The following ALPK3 variants were observed in gnomAD, a reference collection of about 807,000 sequenced individuals.
ALPK3 encodes the protein alpha-protein kinase 3.
ALPK3 carries 102 observed loss-of-function variants against 140.0 expected under a neutral mutation model. That is an observed-to-expected ratio of 0.73 (90% CI 0.62 to 0.86). The LOEUF is 0.86. Among genes scored for constraint, ALPK3 ranks in the 40% least tolerant of loss-of-function variants. ALPK3 has a pLI of 0.00. For synonymous variants in ALPK3, 938 were observed against 898.5 expected (o/e 1.04, Z -0.79); for missense variants, 2,254 against 2,208.2 (o/e 1.02, Z -0.42).
chr15:84,846,224 C>T (rs1283018315), intron 5 of ALPK3, among the ~76,000 whole-genome samples: 2 of 152,190 alleles, frequency 1.3e-5, no homozygotes, highest in Non-Finnish European at 2.9e-5. Flanking sequence ...TGTTAATACT[C>T]TCCATAAGAT....
chr15:84,819,525 C>T (rs993419345), intron 1 of ALPK3, among the ~76,000 whole-genome samples: 1 of 152,190 alleles, frequency 6.6e-6, no homozygotes, highest in African/African-American at 2.4e-5. Context: ...GAGGCAGTTC[C>T]TGCTTCTCTA....
At position 84,868,220 on chromosome 15, in the gene ALPK3, C is replaced by T. The variant is rs1273182701; in HGVS notation, c.4882C>T (p.Pro1628Ser). The stretch of plus-strand genomic sequence containing the variant: ...GCTGGGGCTGACACCTCTCAAGGGC[C>T]CGGAGGCGGCCCACCCCCAAGCCAA... ...ELLGLTPLKG[P>S]EAAHPQAKAK... Residue 1628 changes from proline to serine, a missense_variant, in exon 14 of 14, where the codon CCG becomes TCG. By Grantham distance (74) the Pro-to-Ser change is moderately conservative. Coordinates refer to ENST00000258888, the MANE Select transcript of ALPK3 (RefSeq NM_020778.5). 8.7e-6 allele frequency: 14 copies of T among 1,614,056 alleles called. No homozygotes were observed. The highest frequency in any genetic ancestry group is 1.1e-5 in the Non-Finnish European group (13 of 1,180,030).
chr15:84,856,724 G>A lies in ALPK3; in HGVS notation c.1986G>A (p.Met662Ile), dbSNP rs1012520978. The change falls in exon 6 of 14, where the codon ATG (methionine) becomes ATA (isoleucine). Residue 662 changes from methionine (M) to isoleucine (I), a missense_variant. Met to Ile is a conservative substitution (Grantham distance 10, BLOSUM62 1). Transcript: ENST00000258888. The part of the protein sequence containing the change: ...QSDRSAQKGM[M>I]TQGRAETQLE... Reference sequence around the variant, plus strand: ...ACAGGAGTGCACAGAAGGGCATGATGACACAGGGAAGGGCAGAGACACAGC... The same window carrying A: ...ACAGGAGTGCACAGAAGGGCATGATAACACAGGGAAGGGCAGAGACACAGC... 5 of 1,613,988 alleles carry A rather than the reference G, an allele frequency of 3.1e-6. No individual in the cohort carries two copies. In the African/African-American group the frequency reaches 5.3e-5, roughly 17 times the overall value.
intron 9 of ALPK3, among the ~76,000 whole-genome samples, chr15:84,862,346 A>G (rs2141572322): frequency 6.6e-6 from 1 of 152,084 alleles, no homozygotes; most frequent in Middle Eastern, 3.4e-3. Flanking sequence ...ACACATCCTG[A>G]GCACTGTGTT....
At position 84,822,442 on chromosome 15, in the gene ALPK3, T is replaced by C. The variant is rs146631872; in HGVS notation, c.144-888T>C. Among the ~76,000 whole-genome samples the C allele has an allele frequency of 2.7e-3, 414 of 152,184 alleles. 1 individual carries two copies. Among genetic ancestry groups the C allele is most frequent in the African/African-American group, 9.2e-3 (384 of 41,522 alleles). ...TTAGAGACATAGACCGTGAGCACCA[T>C]TGAACAGGCTGGGCTGCTGGGAAGG... On this transcript the variant is annotated intron_variant, in intron 1 of 13. Coordinates refer to ENST00000258888, the MANE Select transcript of ALPK3 (RefSeq NM_020778.5).
chr15:84,859,375 G>C lies in ALPK3; in HGVS notation c.3950G>C (p.Gly1317Ala). ...TGGGCCAAGGATCAGCGCCCAGTGGGCGAGGTGGGCAGGAGGTAAGCCAAC... is the reference window on the plus strand; with the variant it reads ...TGGGCCAAGGATCAGCGCCCAGTGGCCGAGGTGGGCAGGAGGTAAGCCAAC... ...LTWAKDQRPV[G>A]EVGRSAGDEG... Residue 1317 changes from glycine to alanine, a missense_variant, in exon 7 of 14, where the codon GGC (glycine) becomes GCC (alanine). This residue lies in a region of ALPK3 where 2,088 missense variants were observed against 2,022.9 expected (regional missense o/e 1.03). Transcript: ENST00000258888. 1 of 1,614,186 alleles carries C rather than the reference G, an allele frequency of 6.2e-7. No homozygotes were observed.
intron 5 of ALPK3, 41 bp from the exon 6 acceptor site, chr15:84,856,351 T>A: frequency 1.3e-6 from 2 of 1,549,278 alleles, no homozygotes; most frequent in Non-Finnish European, 1.7e-6. Flanking sequence ...GATCTGAATG[T>A]CCATGTAGTT....
chr15:84,857,730 A>C lies in ALPK3; in HGVS notation c.2992A>C (p.Thr998Pro). The change falls in exon 6 of 14, where the codon ACA becomes CCA. Residue 998 changes from threonine to proline, a missense_variant. By Grantham distance (38) the Thr-to-Pro change is conservative. Transcript: ENST00000258888. ...AGGTCTGGTGCCCTCAGCCACTCTG[A>C]CACCCACTGTGGAAGTGGCTGGGCT... is the stretch of plus-strand genomic sequence containing the variant. ...TGGLVPSATL[T>P]PTVEVAGLSP... 1 of 1,613,384 alleles carries C rather than the reference A, an allele frequency of 6.2e-7. No individual in the cohort carries two copies. Among genetic ancestry groups the C allele is most frequent in the East Asian group, 2.2e-5 (1 of 44,870 alleles).
Position 84,856,447 on chromosome 15 carries a change from A to C in ALPK3, c.1709A>C (p.Asp570Ala), listed in dbSNP as rs200724501. Residue 570 changes from aspartate to alanine, a missense_variant, in exon 6 of 14, where the codon GAT becomes GCT. Asp to Ala is a moderately radical substitution (Grantham distance 126). Transcript: ENST00000258888. ...ACCATGTCGGCCAGCAGCAGCTCTG[A>C]TGTAGCCTCCATTGGGGTTAGCACT... Reference protein sequence around the residue: ...APTMSASSSSDVASIGVSTSG... With the variant: ...APTMSASSSSAVASIGVSTSG... 1 of 1,613,616 alleles carries C rather than the reference A, an allele frequency of 6.2e-7. No individual in the cohort carries two copies. The highest frequency in any genetic ancestry group is 2.2e-5 in the East Asian group (1 of 44,884).
At chr15:84,819,901 C>G (rs1218860120) in intron 1 of ALPK3, among the ~76,000 whole-genome samples, 1 of 152,208 alleles carries the variant, frequency 6.6e-6, no homozygotes, top group Non-Finnish European at 1.5e-5. Flanking sequence ...GGCCCAGAAC[C>G]TATCTCCCTA....
At chr15:84,842,027 T>A (rs1963672611) in intron 5 of ALPK3, among the ~76,000 whole-genome samples, 1 of 152,120 alleles carries the variant, frequency 6.6e-6, no homozygotes, top group South Asian at 2.1e-4. Flanking sequence ...CTTTCTTTCT[T>A]TGGTTTGTTT....
chr15:84,858,947 T>C (rs1963903758), intron 6 of ALPK3, among the ~76,000 whole-genome samples: 1 of 152,184 alleles, frequency 6.6e-6, no homozygotes, highest in African/African-American at 2.4e-5. Flanking sequence ...GTTAGGGACC[T>C]AGAATGCAAA....
At position 84,857,019 on chromosome 15, in the gene ALPK3, G is replaced by C. The variant is rs1841527482; in HGVS notation, c.2281G>C (p.Glu761Gln). 6.2e-7 allele frequency: 1 copy of C among 1,614,160 alleles called. No individual in the cohort carries two copies. Among genetic ancestry groups the C allele is most frequent in the Non-Finnish European group, 8.5e-7 (1 of 1,180,038 alleles). Reference sequence around the variant, plus strand: ...TATTGAATGTTTTGTACAGACCCCAGAAGGGTCTTGTTTCCCAAAAAAACC... The same window carrying C: ...TATTGAATGTTTTGTACAGACCCCACAAGGGTCTTGTTTCCCAAAAAAACC... Reference protein sequence around the residue: ...LNIECFVQTPEGSCFPKKPGC... With the variant: ...LNIECFVQTPQGSCFPKKPGC... The change falls in exon 6 of 14, where the codon GAA (glutamate) becomes CAA (glutamine). Residue 761 changes from glutamate (E) to glutamine (Q), a missense_variant. Around this residue, in one of 3 missense-constraint regions of ALPK3, gnomAD observed 2,088 missense variants for 2,022.9 expected, o/e 1.03. Coordinates refer to ENST00000258888, the MANE Select transcript of ALPK3 (RefSeq NM_020778.5).
intron 5 of ALPK3, among the ~76,000 whole-genome samples, chr15:84,842,489 G>A (rs1460440489): frequency 2.7e-5 from 4 of 148,504 alleles, no homozygotes; most frequent in African/African-American, 4.8e-5. Flanking sequence ...TTTCCCAGGG[G>A]TAGGGACAGA....
rs546038230 is a variant in ALPK3, at chr15:84,869,979, C to G, written c.*1523C>G. The stretch of plus-strand genomic sequence containing the variant: ...CCTTAGCAGGGTGTCTGGGGACTTA[C>G]GCCTTTGGAATTGCTCTTCATTCAG... On this transcript the variant is annotated 3_prime_UTR_variant, in exon 14 of 14. Coordinates refer to ENST00000258888, the MANE Select transcript of ALPK3 (RefSeq NM_020778.5). The G allele has an allele frequency of 6.6e-6, 1 of 152,170 alleles. No individual in the cohort carries two copies. Among genetic ancestry groups the G allele is most frequent in the East Asian group, 1.9e-4 (1 of 5,188 alleles). The allele number at this position is 152,170 out of a possible 1,614,324, so 9.4% of individuals were successfully genotyped here.
chr15:84,831,452 G>C (rs1963544538), intron 3 of ALPK3, among the ~76,000 whole-genome samples: 1 of 152,042 alleles, frequency 6.6e-6, no homozygotes, highest in African/African-American at 2.4e-5. Flanking sequence ...CTTTCTGGGA[G>C]ATTTCCTTAG....
chr15:84,820,069 C>G (rs1401862478), intron 1 of ALPK3, among the ~76,000 whole-genome samples: 1 of 152,168 alleles, frequency 6.6e-6, no homozygotes. Flanking sequence ...GACCTCACCC[C>G]CATAGAACAG....
At chr15:84,846,976 C>G (rs1360244646) in intron 5 of ALPK3, among the ~76,000 whole-genome samples, 1 of 151,942 alleles carries the variant, frequency 6.6e-6, no homozygotes, top group Non-Finnish European at 1.5e-5. Context: ...TGTTGGCCAG[C>G]CTGGTCTTGA....
At position 84,840,092 on chromosome 15, in the gene ALPK3, T is replaced by C. The variant is rs1374822594; in HGVS notation, c.813T>C (p.Ser271=). ...TGGGCCTGATCAACAGTTTTGCTTC[T>C]GGAGAAGTGACCACCAACGGGGAGG... ...SGLGLINSFA[S]GEVTTNGEAA... The change falls in exon 5 of 14, where the codon TCT becomes TCC. Residue 271 remains serine (S), a synonymous_variant. Coordinates refer to ENST00000258888, the MANE Select transcript of ALPK3 (RefSeq NM_020778.5). 3.1e-6 allele frequency: 5 copies of C among 1,613,810 alleles called. No homozygotes were observed. The Admixed American group carries it at 8.3e-5, about 27-fold the overall frequency.
Sources: allele counts gnomAD v4.1 joint callset (sites outside exome capture counted in the v4.1 genomes callset), GRCh38; gene constraint gnomAD v4.1.1; regional missense constraint gnomAD v4.1.1; transcripts MANE v1.5; gene names NCBI Gene and HGNC (gene_info 2026-07-23, HGNC 2026-07-21).